Variants in SENP3 observed in about 807,000 individuals in gnomAD.
The protein encoded by SENP3 is sentrin-specific protease 3.
In SENP3, 11 loss-of-function variants were observed where a neutral mutation model predicts 66.2. That is an observed-to-expected ratio of 0.17 (90% CI 0.10 to 0.28). The LOEUF (loss-of-function observed/expected upper bound fraction) is 0.28, where lower values mean the gene tolerates loss of function less well. Ranked by LOEUF, SENP3 falls within the 10% of genes least tolerant of loss-of-function variation. The pLI, the probability that SENP3 is intolerant of heterozygous loss-of-function variation, is 1.00. For missense variants in SENP3, 548 were observed against 743.7 expected (o/e 0.74, Z 3.06); for synonymous variants, 292 against 277.6 (o/e 1.05, Z -0.52).
intron 6 of SENP3, 46 bp from the exon 7 acceptor site, chr17:7,566,879 GTC>G: frequency 7.5e-7 from 1 of 1,328,612 alleles, no homozygotes; most frequent in East Asian, 2.5e-5. Flanking sequence ...TAGTGGGAGA[GTC>G]TGAGGTCTTT....
Position 7,562,982 on chromosome 17 carries a change from C to T in SENP3, c.-11-84C>T, listed in dbSNP as rs2071232724. On this transcript the variant is annotated intron_variant, in intron 1 of 10. Transcript: ENST00000321337. This position sits in a 1 kb window ranked among gnomAD's most constrained non-coding sequence, Gnocchi z 5.0. The stretch of plus-strand genomic sequence containing the variant: ...TCTTTTCTTTATTTGCATCTGAATC[C>T]AGAGGAGGCATGGCCAGGAAGAGAG... The T allele has an allele frequency of 1.1e-5, 15 of 1,337,844 alleles. No homozygotes were observed. Among genetic ancestry groups the T allele is most frequent in the Non-Finnish European group, 1.4e-5 (15 of 1,044,604 alleles). The allele number at this position is 1,337,844 out of a possible 1,614,324, so 82.9% of individuals were successfully genotyped here.
chr17:7,565,089 C>T lies in SENP3; in HGVS notation c.1067+19C>T. On this transcript the variant is annotated intron_variant, in intron 4 of 10. Transcript: ENST00000321337. Reference sequence around the variant, plus strand: ...CTTCCAGGTGAGGCTTGAAAGCCCTCCTTGAAAGAAGGGCTGGGGCCTTGG... The same window carrying T: ...CTTCCAGGTGAGGCTTGAAAGCCCTTCTTGAAAGAAGGGCTGGGGCCTTGG... 1 of 1,540,462 alleles carries T rather than the reference C, an allele frequency of 6.5e-7. No homozygotes were observed. The highest frequency in any genetic ancestry group is 9.0e-7 in the Non-Finnish European group (1 of 1,114,828).
In SENP3 at chr17:7,563,122, C is replaced by A. The variant is rs1402083839; in HGVS notation, c.46C>A (p.Pro16Thr). Reference protein sequence around the residue: ...QGTGSWGPEPPGPGIPPAYSS... With the variant: ...QGTGSWGPEPTGPGIPPAYSS... ...GACCGGGTCCTGGGGGCCTGAGCCT[C>A]CTGGACCCGGCATACCCCCAGCTTA... Residue 16 changes from proline to threonine, a missense_variant, in exon 2 of 11, where the codon CCT becomes ACT. Transcript: ENST00000321337. The A allele has an allele frequency of 2.0e-6, 3 of 1,525,280 alleles. No individual in the cohort carries two copies. Among genetic ancestry groups the A allele is most frequent in the African/African-American group, 2.8e-5 (2 of 71,830 alleles). 94.5% of individuals were successfully genotyped at this position (1,525,280 alleles called of 1,614,324 possible).
intron 2 of SENP3, 58 bp downstream of exon 2, chr17:7,563,849 T>C: frequency 7.1e-7 from 1 of 1,412,922 alleles, no homozygotes. Context: ...GTTAAGAGCC[T>C]GGAGCACCAG....
At chr17:7,569,645 A>G (rs1483543623) in intron 7 of SENP3, among the ~76,000 whole-genome samples, 1 of 152,128 alleles carries the variant, frequency 6.6e-6, no homozygotes, top group Non-Finnish European at 1.5e-5. Context: ...AAGAGCTTAC[A>G]CCCTCAGGGA....
At chr17:7,565,617 A>G in intron 5 of SENP3, 30 bp downstream of exon 5, 2 of 1,613,390 alleles carry the variant, frequency 1.2e-6, no homozygotes, top group South Asian at 1.1e-5. Flanking sequence ...CAGGCCTGAG[A>G]GGGGATTCAG....
chr17:7,566,803 C>T (rs534308232), intron 6 of SENP3, 124 bp from the exon 7 acceptor site: 3 of 737,220 alleles, frequency 4.1e-6, no homozygotes, highest in African/African-American at 3.6e-5. Flanking sequence ...GACCCTGTCT[C>T]TACCAAAAAA....
Position 7,571,481 on chromosome 17 carries a change from T to C in SENP3, c.1723T>C (p.Ter575ArgextTer42), listed in dbSNP as rs761484838. The change falls in exon 11 of 11, where the codon TGA (stop) becomes CGA (arginine). Residue 575 changes from the stop codon to arginine (R), a stop_lost. Transcript: ENST00000321337. ...GCTGTGTCACTGCAAACTCACTGTG[T>C]GAGCCTCGTACCCCAGACCCCAAGC... is the stretch of plus-strand genomic sequence containing the variant. ...KELCHCKLTV[*>R] is the part of the protein sequence containing the mutation. 1 of 1,612,008 alleles carries C rather than the reference T, an allele frequency of 6.2e-7. No individual in the cohort carries two copies. The highest frequency in any genetic ancestry group is 1.1e-5 in the South Asian group (1 of 91,034).
At chr17:7,566,816 A>G (rs1387756749) in intron 6 of SENP3, 111 bp from the exon 7 acceptor site, 5 of 832,900 alleles carry the variant, frequency 6.0e-6, no homozygotes, top group South Asian at 1.5e-5. Context: ...CCAAAAAAAA[A>G]AGAAAAAACC....
intron 6 of SENP3, among the ~76,000 whole-genome samples, chr17:7,566,609 C>T (rs2071271036): frequency 6.7e-6 from 1 of 149,370 alleles, no homozygotes; most frequent in Non-Finnish European, 1.5e-5. Flanking sequence ...GAGGTTGCAG[C>T]GAGTCGAAAT....
intron 2 of SENP3, among the ~76,000 whole-genome samples, chr17:7,564,167 C>T (rs935090309): frequency 2.0e-5 from 3 of 152,132 alleles, no homozygotes; most frequent in African/African-American, 7.2e-5. Context: ...CCCAAAGTGA[C>T]GGGATGGGAT....
Position 7,571,901 on chromosome 17 carries a change from AT to A in SENP3, c.*419del, listed in dbSNP as rs2071327370. ...TATATATATATATATATATATATAT[AT>A]ATATATAAAAATATATAAATGCCAC... On this transcript the variant is annotated 3_prime_UTR_variant, in exon 11 of 11. Coordinates refer to ENST00000321337, the MANE Select transcript of SENP3 (RefSeq NM_015670.6). The A allele has an allele frequency of 1.2e-3, 16 of 13,884 alleles. 1 individual carries two copies. The highest frequency in any genetic ancestry group is 2.5e-3 in the African/African-American group (12 of 4,868). 0.9% of individuals were successfully genotyped at this position (13,884 alleles called of 1,614,324 possible). A position where few individuals can be genotyped will look rare whatever the true frequency, so the allele number is the denominator to read the frequency against.
chr17:7,563,662 C>A lies in SENP3; in HGVS notation c.586C>A (p.Arg196=). Reference sequence around the variant, plus strand: ...CTCCCCCCGGGGGCCACCTCCACCCCGGCTGGGTCTGCTAGGTGCTCTCAT... The same window carrying A: ...CTCCCCCCGGGGGCCACCTCCACCCAGGCTGGGTCTGCTAGGTGCTCTCAT... ...FDSPRGPPPP[R]LGLLGALMAE... is the part of the protein sequence containing the mutation. Residue 196 remains arginine (R), a synonymous_variant, in exon 2 of 11, where the codon CGG becomes AGG. Coordinates refer to ENST00000321337, the MANE Select transcript of SENP3 (RefSeq NM_015670.6). 6.2e-7 allele frequency: 1 copy of A among 1,611,452 alleles called. No individual in the cohort carries two copies.
chr17:7,565,171 G>A lies in SENP3; in HGVS notation c.1067+101G>A, dbSNP rs558337679. ...CCATAGGGCTGTAGTTGGGGAGGAG[G>A]AAGCTAGAGCTGAAGGGGAGGACTC... On this transcript the variant is annotated intron_variant, in intron 4 of 10. Coordinates refer to ENST00000321337, the MANE Select transcript of SENP3 (RefSeq NM_015670.6). The A allele has an allele frequency of 1.6e-5, 16 of 984,644 alleles. No individual in the cohort carries two copies. The African/African-American group carries it at 2.3e-4, about 14-fold the overall frequency. The allele number at this position is 984,644 out of a possible 1,614,324, so 61.0% of individuals were successfully genotyped here.
Position 7,571,612 on chromosome 17 carries a change from G to T in SENP3, c.*129G>T. 1 of 613,168 alleles carries T rather than the reference G, an allele frequency of 1.6e-6. No homozygotes were observed. The allele number at this position is 613,168 out of a possible 1,614,324, so 38.0% of individuals were successfully genotyped here. A position where few individuals can be genotyped will look rare whatever the true frequency, so the allele number is the denominator to read the frequency against. ...TCCCTTTGGTTTTTCATATTTAAAT[G>T]TTTCAATTTCTGTATTTTTTTTTCT... On this transcript the variant is annotated 3_prime_UTR_variant, in exon 11 of 11. Coordinates refer to ENST00000321337, the MANE Select transcript of SENP3 (RefSeq NM_015670.6).
intron 10 of SENP3, 52 bp from the exon 11 acceptor site, chr17:7,571,321 G>A (rs1241386962): frequency 3.0e-6 from 4 of 1,312,604 alleles, no homozygotes; most frequent in Non-Finnish European, 4.4e-6. Context: ...GAAATGTGTA[G>A]CACAGGTCCT....
At chr17:7,567,114 T>G in intron 7 of SENP3, 110 bp downstream of exon 7, 1 of 794,090 alleles carries the variant, frequency 1.3e-6, no homozygotes, top group Non-Finnish European at 2.2e-6. Context: ...TTTCAAAGAT[T>G]AAACGTCTCT....
At position 7,570,860 on chromosome 17, in the gene SENP3, C is replaced by T. The variant is rs1186128156; in HGVS notation, c.1564-23C>T. On this transcript the variant is annotated intron_variant, in intron 9 of 10. Coordinates refer to ENST00000321337, the MANE Select transcript of SENP3 (RefSeq NM_015670.6). The surrounding 1 kb of genome is among the most constrained non-coding windows in gnomAD (Gnocchi z 5.4). The stretch of plus-strand genomic sequence containing the variant: ...CCCCTGGGAGTCTCCATGTGAAGGG[C>T]CTGCTTTCTTTCTCTTCTCTAGAAT... 4 of 1,611,410 alleles carry T rather than the reference C, an allele frequency of 2.5e-6. No homozygotes were observed. The highest frequency in any genetic ancestry group is 3.4e-5 in the Admixed American group (2 of 59,580).
chr17:7,565,697 G>C lies in SENP3; in HGVS notation c.1216-20G>C. The stretch of plus-strand genomic sequence containing the variant: ...CATGCCGCACCCTCCATGGCAAGCT[G>C]CCTCCCATCTTCTCCCCAGGTGATG... On this transcript the variant is annotated intron_variant, in intron 5 of 10. Transcript: ENST00000321337. 2 of 1,613,936 alleles carry C rather than the reference G, an allele frequency of 1.2e-6. No homozygotes were observed. Among genetic ancestry groups the C allele is most frequent in the Middle Eastern group, 1.6e-4 (1 of 6,062 alleles).
Sources: allele counts gnomAD v4.1 joint callset (sites outside exome capture counted in the v4.1 genomes callset), GRCh38; gene constraint gnomAD v4.1.1; non-coding constraint Gnocchi (gnomAD v3.1); transcripts MANE v1.5; gene names NCBI Gene and HGNC (gene_info 2026-07-23, HGNC 2026-07-21).